WDPCP: variants seen among roughly 807,000 people sequenced by gnomAD.
WDPCP encodes WD repeat-containing and planar cell polarity effector protein fritz homolog.
WDPCP carries 71 observed loss-of-function variants against 93.1 expected under a neutral mutation model. That is an observed-to-expected ratio of 0.76 (90% CI 0.63 to 0.93). WDPCP has a LOEUF of 0.93. WDPCP is among the 40% of genes least tolerant of loss of function. The pLI is 0.00. For missense variants in WDPCP, 844 were observed against 887.4 expected, an observed-to-expected ratio of 0.95 and a Z score of 0.62; for synonymous variants, 315 against 315.0, an observed-to-expected ratio of 1.00 and a Z score of 0.00.
chr2:63,642,423 C>G (rs931021484), intron 3 of WDPCP: 2 of 148,994 alleles, frequency 1.3e-5, no homozygotes, highest in African/African-American at 4.9e-5. Context: ...TTTAACAATA[C>G]TGATTCTTCC....
chr2:63,750,059 T>C (rs953156314), intron 2 of WDPCP, among the ~76,000 whole-genome samples: 2 of 152,056 alleles, frequency 1.3e-5, no homozygotes, highest in African/African-American at 2.4e-5. Flanking sequence ...TGGGAGAATA[T>C]ATATATTTGT....
chr2:63,606,053 C>A, intron 3 of WDPCP: 1 of 1,576,134 alleles, frequency 6.3e-7, no homozygotes. Flanking sequence ...AGCTATTTCC[C>A]TTCTTTGAGG....
chr2:63,505,544 C>A (rs1701817594), intron 1 of WDPCP, among the ~76,000 whole-genome samples: 2 of 151,986 alleles, frequency 1.3e-5, no homozygotes, highest in African/African-American at 2.4e-5. Flanking sequence ...AAACAAGTTA[C>A]AGATTAATAA....
At chr2:63,392,344 T>C (rs1157870966) in intron 10 of WDPCP, among the ~76,000 whole-genome samples, 3 of 152,184 alleles carry the variant, frequency 2.0e-5, no homozygotes, top group African/African-American at 7.2e-5. Flanking sequence ...GGTAGAAAAC[T>C]GAAACTGGAT....
At chr2:63,290,361 AC>A (rs1315229478) in intron 13 of WDPCP, among the ~76,000 whole-genome samples, 2 of 151,896 alleles carry the variant, frequency 1.3e-5, no homozygotes, top group East Asian at 3.9e-4. Flanking sequence ...AATTCCATTT[AC>A]CCCCTCCTCT....
At chr2:63,319,314 G>A (rs1040429305) in intron 12 of WDPCP, among the ~76,000 whole-genome samples, 1 of 152,114 alleles carries the variant, frequency 6.6e-6, no homozygotes, top group Non-Finnish European at 1.5e-5. Context: ...AAAGGGCCTA[G>A]TTTCAATCTT....
chr2:63,656,207 G>T (rs1710163702), intron 2 of WDPCP, among the ~76,000 whole-genome samples: 1 of 152,140 alleles, frequency 6.6e-6, no homozygotes, highest in Non-Finnish European at 1.5e-5. Context: ...TTTGACCATT[G>T]GGTATCAGTA....
At chr2:63,378,795 T>G (rs993352958) in intron 11 of WDPCP, among the ~76,000 whole-genome samples, 2 of 152,112 alleles carry the variant, frequency 1.3e-5, no homozygotes, top group African/African-American at 4.8e-5. Flanking sequence ...AAACAGTGAC[T>G]CATCAAAGTA....
intron 1 of WDPCP, among the ~76,000 whole-genome samples, chr2:63,583,033 C>CTAAA (rs1708595898): frequency 6.6e-6 from 1 of 152,110 alleles, no homozygotes; most frequent in Non-Finnish European, 1.5e-5. Flanking sequence ...TATTTTCTCA[C>CTAAA]TAAATCTCTT....
chr2:63,489,438 G>A (rs992210904), intron 2 of WDPCP, among the ~76,000 whole-genome samples: 1 of 152,068 alleles, frequency 6.6e-6, no homozygotes, highest in African/African-American at 2.4e-5. Context: ...CACTGAGAGG[G>A]CCTGGGAGCA....
chr2:63,528,047 G>A (rs566275803), intron 1 of WDPCP, among the ~76,000 whole-genome samples: 5 of 152,028 alleles, frequency 3.3e-5, no homozygotes, highest in South Asian at 2.1e-4. Flanking sequence ...CATATCCTTC[G>A]CCCCCTTTTT....
intron 2 of WDPCP, among the ~76,000 whole-genome samples, chr2:63,809,357 C>T (rs988720105): frequency 6.6e-6 from 1 of 151,996 alleles, no homozygotes; most frequent in South Asian, 2.1e-4. Flanking sequence ...CCCAGCCGCC[C>T]CTACTGGGAA....
At chr2:63,400,126 A>C (rs1351015435) in intron 10 of WDPCP, among the ~76,000 whole-genome samples, 1 of 152,212 alleles carries the variant, frequency 6.6e-6, no homozygotes, top group Non-Finnish European at 1.5e-5. Context: ...TATTTTTTAC[A>C]CCTAAGTGAG....
intron 1 of WDPCP, among the ~76,000 whole-genome samples, chr2:63,523,178 C>A (rs1289779645): frequency 1.3e-5 from 2 of 152,140 alleles, no homozygotes; most frequent in African/African-American, 4.8e-5. Context: ...AAATGTGATT[C>A]ATCACATAAA....
At chr2:63,240,212 T>C (rs1031010222) in intron 14 of WDPCP, among the ~76,000 whole-genome samples, 2 of 152,130 alleles carry the variant, frequency 1.3e-5, no homozygotes, top group African/African-American at 4.8e-5. Context: ...AGGGTCTCGC[T>C]CTGTTGCCCA....
At chr2:63,212,180 T>G (rs986817177) in intron 14 of WDPCP, among the ~76,000 whole-genome samples, 3 of 151,890 alleles carry the variant, frequency 2.0e-5, no homozygotes, top group Admixed American at 1.3e-4. Context: ...TTCACCGAAG[T>G]TGAAATGAAG....
intron 1 of WDPCP, among the ~76,000 whole-genome samples, chr2:63,536,058 T>G (rs1049593185): frequency 2.0e-5 from 3 of 152,118 alleles, no homozygotes; most frequent in Admixed American, 6.5e-5. Flanking sequence ...CGAAGGATAT[T>G]AACAGACACT....
At chr2:63,572,338 G>A (rs1707571987) in intron 1 of WDPCP, among the ~76,000 whole-genome samples, 1 of 152,164 alleles carries the variant, frequency 6.6e-6, no homozygotes, top group Admixed American at 6.5e-5. Flanking sequence ...ACCTTATCAT[G>A]TGTAGTATTT....
intron 2 of WDPCP, among the ~76,000 whole-genome samples, chr2:63,812,329 ATTGATT>A (rs1670875043): frequency 6.6e-6 from 1 of 152,120 alleles, no homozygotes. Context: ...GGGCACCTAG[ATTGATT>A]CCATGTCTTT....
Sources: gnomAD v4.1 joint callset for allele counts (sites outside exome capture counted in the v4.1 genomes callset) on GRCh38, gnomAD v4.1.1 for gene constraint, MANE v1.5 for transcripts, NCBI Gene and HGNC (gene_info 2026-07-23, HGNC 2026-07-21) for gene names.